The following RUNDC3B variants were observed in gnomAD, a reference collection of about 807,000 sequenced individuals.
RUNDC3B encodes RUN domain-containing protein 3B.
Under a neutral mutation model 58.4 loss-of-function variants are expected in RUNDC3B, and 33 were observed. The ratio of observed to expected loss-of-function variants is 0.56; its 90% confidence interval spans 0.43 to 0.75. The LOEUF is 0.75. RUNDC3B is among the 30% of genes least tolerant of loss of function. The pLI, the probability that RUNDC3B is intolerant of heterozygous loss-of-function variation, is 0.00. For missense variants in RUNDC3B, 501 were observed against 535.7 expected (o/e 0.94, Z 0.64); for synonymous variants, 193 against 195.2 (o/e 0.99, Z 0.10).
chr7:87,736,409 A>C (rs1291295166), intron 4 of RUNDC3B, among the ~76,000 whole-genome samples: 1 of 152,134 alleles, frequency 6.6e-6, no homozygotes, highest in Admixed American at 6.5e-5. Context: ...AATGGACACC[A>C]AGGTGGCATT....
At chr7:87,687,557 A>G (rs1011374010) in intron 2 of RUNDC3B, among the ~76,000 whole-genome samples, 2 of 152,094 alleles carry the variant, frequency 1.3e-5, no homozygotes, top group Admixed American at 6.6e-5. Context: ...TAAGATCTTC[A>G]TCTGTTTTGT....
At chr7:87,701,028 A>C (rs942366706) in intron 3 of RUNDC3B, among the ~76,000 whole-genome samples, 1 of 152,214 alleles carries the variant, frequency 6.6e-6, no homozygotes, top group Non-Finnish European at 1.5e-5. Context: ...ATTAATTCTT[A>C]TTAAATCTCA....
intron 10 of RUNDC3B, among the ~76,000 whole-genome samples, chr7:87,829,428 C>T (rs1266736169): frequency 6.6e-6 from 1 of 152,062 alleles, no homozygotes; most frequent in South Asian, 2.1e-4. Flanking sequence ...ACAGCTATCC[C>T]AGCACCATTT....
chr7:87,764,091 CT>C, intron 6 of RUNDC3B, among the ~76,000 whole-genome samples: 1 of 151,438 alleles, frequency 6.6e-6, no homozygotes, highest in Non-Finnish European at 1.5e-5. Context: ...TATTTGTGTC[CT>C]TTTTAAGTGT....
chr7:87,739,813 A>G lies in RUNDC3B; in HGVS notation c.481A>G (p.Ile161Val), dbSNP rs754325213. 13 of 1,582,504 alleles carry G rather than the reference A, an allele frequency of 8.2e-6. No homozygotes were observed. The highest frequency in any genetic ancestry group is 2.7e-5 in the African/African-American group (2 of 74,438). ...TAGGAGATTTTATGAAGATGGAGCA[A>G]TTGTCTTGGGTGAAGAAGCAAATAT... ...TTRRFYEDGA[I>V]VLGEEANMLA... The change falls in exon 5 of 11, where the codon ATT becomes GTT. Residue 161 changes from isoleucine (I) to valine (V), a missense_variant. Ile to Val is a conservative substitution (Grantham distance 29, BLOSUM62 3). Transcript: ENST00000394654.
At position 87,628,631 on chromosome 7, in the gene RUNDC3B, CG is replaced by C. The variant is rs1175409000; in HGVS notation, c.-190del. 17 of 364,152 alleles carry C rather than the reference CG, an allele frequency of 4.7e-5. No individual in the cohort carries two copies. Among genetic ancestry groups the C allele is most frequent in the Admixed American group, 1.4e-4 (3 of 21,162 alleles). 22.6% of individuals were successfully genotyped at this position (364,152 alleles called of 1,614,324 possible). On this transcript the variant is annotated 5_prime_UTR_variant, in exon 1 of 11. Transcript: ENST00000394654. ...TGTGTGTGTGTGTGTGTGTGGAGCT[CG>C]GGTGCCAAGGGCGAGCCGTCAGTCC...
chr7:87,715,445 A>C (rs1830498290), intron 4 of RUNDC3B, among the ~76,000 whole-genome samples: 1 of 129,826 alleles, frequency 7.7e-6, no homozygotes, highest in Non-Finnish European at 1.6e-5. Context: ...TATTAATATA[A>C]TATATAATTA....
chr7:87,721,411 C>T (rs913538816), intron 4 of RUNDC3B, among the ~76,000 whole-genome samples: 2 of 151,798 alleles, frequency 1.3e-5, no homozygotes, highest in South Asian at 2.1e-4. Context: ...AAATATTTCA[C>T]GTATGAGAGA....
intron 6 of RUNDC3B, among the ~76,000 whole-genome samples, chr7:87,751,580 T>C (rs980741721): frequency 3.9e-5 from 6 of 152,204 alleles, no homozygotes; most frequent in Non-Finnish European, 7.3e-5. Flanking sequence ...TAGTTCTCCT[T>C]GAAGAGGTCT....
intron 10 of RUNDC3B, among the ~76,000 whole-genome samples, chr7:87,827,696 T>A (rs1013546346): frequency 1.3e-5 from 2 of 152,170 alleles, no homozygotes; most frequent in African/African-American, 4.8e-5. Context: ...GAAGACATAC[T>A]ATTCTCAGTA....
At chr7:87,674,964 C>T (rs900614280) in intron 2 of RUNDC3B, among the ~76,000 whole-genome samples, 1 of 152,192 alleles carries the variant, frequency 6.6e-6, no homozygotes, top group Non-Finnish European at 1.5e-5. Flanking sequence ...GTGCCAAGCC[C>T]TCTTGGTTTT....
intron 1 of RUNDC3B, among the ~76,000 whole-genome samples, chr7:87,639,725 T>A (rs1822234423): frequency 6.6e-6 from 1 of 152,134 alleles, no homozygotes; most frequent in Admixed American, 6.5e-5. Context: ...TTAGCTAATG[T>A]TAATATGATG....
intron 8 of RUNDC3B, among the ~76,000 whole-genome samples, chr7:87,797,701 T>C (rs1188040059): frequency 6.6e-6 from 1 of 152,206 alleles, no homozygotes; most frequent in Non-Finnish European, 1.5e-5. Context: ...TGCCCTGAAA[T>C]TCAGTTCTTA....
Position 87,628,937 on chromosome 7 carries a change from C to T in RUNDC3B, c.114C>T (p.Thr38=). 1 of 1,310,052 alleles carries T rather than the reference C, an allele frequency of 7.6e-7. No individual in the cohort carries two copies. The highest frequency in any genetic ancestry group is 3.2e-5 in the South Asian group (1 of 30,958). The allele number at this position is 1,310,052 out of a possible 1,614,324, so 81.2% of individuals were successfully genotyped here. A position where few individuals can be genotyped will look rare whatever the true frequency, so the allele number is the denominator to read the frequency against. The change falls in exon 1 of 11, where the codon ACC becomes ACT. Residue 38 remains threonine (T), a synonymous_variant. Transcript: ENST00000394654. The part of the protein sequence containing the change: ...NAAVERRNLI[T]VCRFSVKTLI... Reference sequence around the variant, plus strand: ...CGGTGGAGAGGAGGAACCTGATCACCGTGTGCAGGTACGGCAGCGCAGGGC... The same window carrying T: ...CGGTGGAGAGGAGGAACCTGATCACTGTGTGCAGGTACGGCAGCGCAGGGC...
chr7:87,647,510 TAA>T (rs1467082675), intron 1 of RUNDC3B, among the ~76,000 whole-genome samples: 1 of 152,220 alleles, frequency 6.6e-6, no homozygotes, highest in Non-Finnish European at 1.5e-5. Flanking sequence ...TTGGAAAATA[TAA>T]GTTTCATAAA....
chr7:87,801,483 C>T (rs941659342), intron 8 of RUNDC3B, among the ~76,000 whole-genome samples: 3 of 152,170 alleles, frequency 2.0e-5, no homozygotes, highest in Non-Finnish European at 2.9e-5. Flanking sequence ...TCCGATTGGG[C>T]GTGGTGGCTC....
chr7:87,643,807 G>A (rs1163604012), intron 1 of RUNDC3B, among the ~76,000 whole-genome samples: 2 of 152,060 alleles, frequency 1.3e-5, no homozygotes, highest in Non-Finnish European at 2.9e-5. Context: ...GATTACAGGC[G>A]TGAGCCACCA....
chr7:87,656,364 C>A (rs1028566529), intron 2 of RUNDC3B, among the ~76,000 whole-genome samples: 11 of 151,800 alleles, frequency 7.2e-5, no homozygotes, highest in Admixed American at 5.9e-4. Flanking sequence ...ATACGGTATG[C>A]ATTAGTAGTA....
At chr7:87,780,899 T>C (rs774862859) in intron 8 of RUNDC3B, among the ~76,000 whole-genome samples, 1 of 152,192 alleles carries the variant, frequency 6.6e-6, no homozygotes, top group Non-Finnish European at 1.5e-5. Flanking sequence ...CCTTGTAATA[T>C]AGTTTAAAGT....
Sources: allele counts gnomAD v4.1 joint callset (sites outside exome capture counted in the v4.1 genomes callset), GRCh38; gene constraint gnomAD v4.1.1; transcripts MANE v1.5; gene names NCBI Gene and HGNC (gene_info 2026-07-23, HGNC 2026-07-21).